Variants in ADPRHL1 observed in about 807,000 individuals in gnomAD.
The protein encoded by ADPRHL1 is ADP-ribosylhydrolase like 1, also known as inactive ADP-ribosyltransferase ARH2.
Under a neutral mutation model 44.1 loss-of-function variants are expected in ADPRHL1, and 43 were observed. The ratio of observed to expected loss-of-function variants is 0.98; its 90% CI spans 0.76 to 1.26. The LOEUF is 1.26. Ranked by LOEUF, ADPRHL1 falls within the 50% of genes most tolerant of loss-of-function variation. The pLI is 0.00. For synonymous variants in ADPRHL1, 878 were observed against 1,017.4 expected (o/e 0.86, Z 2.61); for missense variants, 2,022 against 2,496.9 (o/e 0.81, Z 4.05).
rs765785777 is a variant in ADPRHL1 at position 113,433,716 on chromosome 13, C to T, written c.505+26G>A. 9 of 1,568,612 alleles carry T rather than the reference C, an allele frequency of 5.7e-6. No individual in the cohort carries two copies. The South Asian group carries it at 9.2e-5, about 16-fold the overall frequency. Reference sequence around the variant, plus strand: ...ATCCGGCCGCACTCCACGCTGACCTCCCTCCCACCCCCCGCCCACACTTAC... The same window carrying T: ...ATCCGGCCGCACTCCACGCTGACCTTCCTCCCACCCCCCGCCCACACTTAC... On this transcript the variant is annotated intron_variant, in intron 3 of 7. Transcript: ENST00000612156.
At chr13:113,443,898 G>A (rs1051623209) in intron 2 of ADPRHL1, among the ~76,000 whole-genome samples, 1 of 150,006 alleles carries the variant, frequency 6.7e-6, no homozygotes, top group Admixed American at 6.6e-5. Context: ...ACCCAAGATC[G>A]CACCACTGCA....
chr13:113,433,678 GTGGT>G, intron 3 of ADPRHL1, 60 bp downstream of exon 3: 1 of 1,501,728 alleles, frequency 6.7e-7, no homozygotes, highest in Non-Finnish European at 8.9e-7. Context: ...AACCTGTGAG[GTGGT>G]TGTGGGTCAT....
chr13:113,421,355 CGGGACACCTCTACCCCT>C, intron 7 of ADPRHL1, among the ~76,000 whole-genome samples: 1 of 146,610 alleles, frequency 6.8e-6, no homozygotes, highest in Admixed American at 6.8e-5. Context: ...CGCCCACTCC[CGGGACACCTCTACCCCT>C]GGGACACGCC....
chr13:113,419,002 T>TCCCTCCCTC (rs2043900488), intron 7 of ADPRHL1, among the ~76,000 whole-genome samples: 9 of 34,134 alleles, frequency 2.6e-4, no homozygotes, highest in African/African-American at 5.1e-4. Context: ...CTCCCTCCCT[T>TCCCTCCCTC]CCTCCCTCCC....
chr13:113,405,245 G>A lies in ADPRHL1; in HGVS notation c.4037C>T (p.Ala1346Val). 8.1e-7 allele frequency: 1 copy of A among 1,231,928 alleles called. No homozygotes were observed. The highest frequency in any genetic ancestry group is 1.0e-6 in the Non-Finnish European group (1 of 988,110). The allele number at this position is 1,231,928 out of a possible 1,614,324, so 76.3% of individuals were successfully genotyped here. A position where few individuals can be genotyped will look rare whatever the true frequency, so the allele number is the denominator to read the frequency against. The change falls in exon 8 of 8, where the codon GCT (alanine) becomes GTT (valine). Residue 1346 changes from alanine to valine, a missense_variant. Physicochemically the swap from Ala to Val is moderately conservative, Grantham distance 64 (BLOSUM62 0). Transcript: ENST00000612156. ...CCGGAGCTTTGCCTGTGTGTCACCA[G>A]CAGTAGGGGGCAGGTGTGCCTGTAG... ...PHLQAHLPPTAGDTQAKLRAS... is the reference protein window; with the variant it reads ...PHLQAHLPPTVGDTQAKLRAS...
intron 5 of ADPRHL1, among the ~76,000 whole-genome samples, chr13:113,424,808 C>T (rs2043954917): frequency 6.6e-5 from 1 of 15,094 alleles, no homozygotes; most frequent in African/African-American, 2.5e-4. Flanking sequence ...ACCCACCCAC[C>T]CATGCACCCA....
chr13:113,446,136 C>G (rs139064708), intron 1 of ADPRHL1, among the ~76,000 whole-genome samples: 9 of 140,934 alleles, frequency 6.4e-5, no homozygotes, highest in Admixed American at 6.3e-4. Context: ...CCCCCTCCCC[C>G]CTCCCCCCCA....
In ADPRHL1 at chr13:113,405,418, C is replaced by CGGCGGGAGGCCAGGGCCAT. The variant is rs1273898758; in HGVS notation, c.3845_3863dup (p.Ser1289TrpfsTer10). The stretch of plus-strand genomic sequence containing the variant: ...TTGCCTGTGGGTTCTCAGGAGGCGA[C>CGGCGGGAGGCCAGGGCCAT]GGCGGGAGGCCAGGGCCATAGCTGG... On this transcript the variant is annotated frameshift_variant, in exon 8 of 8. Transcript: ENST00000612156. LOFTEE classifies it low-confidence loss of function (END_TRUNC). 3.2e-6 allele frequency: 4 copies of CGGCGGGAGGCCAGGGCCAT among 1,231,970 alleles called. No individual in the cohort carries two copies. The highest frequency in any genetic ancestry group is 3.0e-6 in the Non-Finnish European group (3 of 988,152). 76.3% of individuals were successfully genotyped at this position (1,231,970 alleles called of 1,614,324 possible).
chr13:113,450,610 G>A (rs1052484261), intron 1 of ADPRHL1, among the ~76,000 whole-genome samples: 1 of 152,218 alleles, frequency 6.6e-6, no homozygotes, highest in Non-Finnish European at 1.5e-5. Flanking sequence ...AAGGTCATGT[G>A]GGTCACGTGT....
At position 113,407,677 on chromosome 13, in the gene ADPRHL1, C is replaced by G. The variant is rs576344784; in HGVS notation, c.1605G>C (p.Arg535Ser). 1 of 1,232,090 alleles carries G rather than the reference C, an allele frequency of 8.1e-7. No individual in the cohort carries two copies. Among genetic ancestry groups the G allele is most frequent in the African/African-American group, 1.5e-5 (1 of 64,570 alleles). 76.3% of individuals were successfully genotyped at this position (1,232,090 alleles called of 1,614,324 possible). A position where few individuals can be genotyped will look rare whatever the true frequency, so the allele number is the denominator to read the frequency against. Residue 535 changes from arginine (R) to serine (S), a missense_variant, in exon 8 of 8, where the codon AGG becomes AGC. Transcript: ENST00000612156. ...KPPVERPKAA[R>S]GLLPKIMGKS... ...TGCCCATGATCTTCGGCAAGAGGCC[C>G]CTGGCGGCTTTGGGCCGCTCCACAG...
At position 113,441,167 on chromosome 13, in the gene ADPRHL1, G is replaced by T. The variant is rs1165935175; in HGVS notation, c.379+3258C>A. ...GACTCCATCTCAAAATTAAAAAGTTGTTTCTTATAAGCAGCACATAGTTGG... is the reference window on the plus strand; with the variant it reads ...GACTCCATCTCAAAATTAAAAAGTTTTTTCTTATAAGCAGCACATAGTTGG... On this transcript the variant is annotated intron_variant, in intron 2 of 7. Coordinates refer to ENST00000612156, the MANE Select transcript of ADPRHL1 (RefSeq NM_001394807.1). The surrounding 1 kb of genome is among the most constrained non-coding windows in gnomAD (Gnocchi z 6.0). Among the ~76,000 whole-genome samples the T allele has an allele frequency of 2.0e-5, 3 of 152,058 alleles. No individual in the cohort carries two copies. Among genetic ancestry groups the T allele is most frequent in the Non-Finnish European group, 4.4e-5 (3 of 67,998 alleles).
chr13:113,408,566 A>G (rs1176123329), intron 7 of ADPRHL1, among the ~76,000 whole-genome samples: 1 of 152,252 alleles, frequency 6.6e-6, no homozygotes, highest in Admixed American at 6.5e-5. Flanking sequence ...AAATTTTAAC[A>G]AACATACTTT....
chr13:113,441,011 G>A lies in ADPRHL1; in HGVS notation c.379+3414C>T, dbSNP rs1022391760. ...CTACTAAAAATTCAAAAATTAGCCAGGTGTGGTGGTGGGCGCCCGTAGTCC... is the reference window on the plus strand; with the variant it reads ...CTACTAAAAATTCAAAAATTAGCCAAGTGTGGTGGTGGGCGCCCGTAGTCC... On this transcript the variant is annotated intron_variant, in intron 2 of 7. Coordinates refer to ENST00000612156, the MANE Select transcript of ADPRHL1 (RefSeq NM_001394807.1). The surrounding 1 kb of genome is among the most constrained non-coding windows in gnomAD (Gnocchi z 6.0). 6.6e-6 allele frequency among the ~76,000 whole-genome samples: 1 copy of A among 152,132 alleles called. No individual in the cohort carries two copies. Among genetic ancestry groups the A allele is most frequent in the African/African-American group, 2.4e-5 (1 of 41,448 alleles).
chr13:113,443,338 G>T (rs1241402826), intron 2 of ADPRHL1, among the ~76,000 whole-genome samples: 3 of 152,086 alleles, frequency 2.0e-5, no homozygotes, highest in South Asian at 4.1e-4. Flanking sequence ...GGCTGGGTGT[G>T]GTGGCTCCTG....
chr13:113,421,227 A>C (rs1595542663), intron 7 of ADPRHL1, among the ~76,000 whole-genome samples: 1 of 44,668 alleles, frequency 2.2e-5, no homozygotes, highest in Non-Finnish European at 4.2e-5. Context: ...CCCCCAGGAC[A>C]CCTCTACCCC....
intron 2 of ADPRHL1, among the ~76,000 whole-genome samples, chr13:113,438,545 A>G (rs1446812881): frequency 6.6e-6 from 1 of 152,132 alleles, no homozygotes; most frequent in African/African-American, 2.4e-5. Flanking sequence ...AAATACAAAA[A>G]TTAAGTGGCA....
At chr13:113,413,256 A>G (rs559374632) in intron 7 of ADPRHL1, among the ~76,000 whole-genome samples, 25 of 151,918 alleles carry the variant, frequency 1.6e-4, no homozygotes, top group African/African-American at 5.6e-4. Flanking sequence ...TGTCCACTCC[A>G]CGCCCAACCT....
At position 113,406,065 on chromosome 13, in the gene ADPRHL1, G is replaced by A; in HGVS notation, c.3217C>T (p.Leu1073=). Residue 1073 remains leucine, a synonymous_variant, in exon 8 of 8, where the codon CTG becomes TTG. Transcript: ENST00000612156. ...AGGGGCTGAGAAGACTCTATTAGCAGCGGCCTTCTGCATTCCTCCAGCGCA... is the reference window on the plus strand; with the variant it reads ...AGGGGCTGAGAAGACTCTATTAGCAACGGCCTTCTGCATTCCTCCAGCGCA... ...PGALEECRRP[L]LIESSQPLKA... is the part of the protein sequence containing the mutation. The A allele has an allele frequency of 8.1e-7, 1 of 1,232,172 alleles. No homozygotes were observed. Among genetic ancestry groups the A allele is most frequent in the Non-Finnish European group, 1.0e-6 (1 of 988,012 alleles). The allele number at this position is 1,232,172 out of a possible 1,614,324, so 76.3% of individuals were successfully genotyped here. A position where few individuals can be genotyped will look rare whatever the true frequency, so the allele number is the denominator to read the frequency against.
chr13:113,428,323 C>T (rs1222615744), intron 4 of ADPRHL1, among the ~76,000 whole-genome samples: 1 of 151,878 alleles, frequency 6.6e-6, no homozygotes, highest in African/African-American at 2.4e-5. Context: ...CATTCAAATC[C>T]TCCCTCTCCT....
Sources: allele counts gnomAD v4.1 joint callset (sites outside exome capture counted in the v4.1 genomes callset), GRCh38; gene constraint gnomAD v4.1.1; non-coding constraint Gnocchi (gnomAD v3.1); transcripts MANE v1.5; gene names NCBI Gene and HGNC (gene_info 2026-07-23, HGNC 2026-07-21).